GUCY1A2: variants seen among roughly 807,000 people sequenced by gnomAD.
GUCY1A2 encodes guanylate cyclase 1 soluble subunit alpha 2, also known as guanylate cyclase soluble subunit alpha-2.
Under a neutral mutation model 63.5 loss-of-function variants are expected in GUCY1A2, and 27 were observed. The ratio of observed to expected loss-of-function variants is 0.43; its 90% CI spans 0.31 to 0.59. The LOEUF (loss-of-function observed/expected upper bound fraction) is 0.59. GUCY1A2 is among the 20% of genes least tolerant of loss of function. The pLI is 0.11. For synonymous variants in GUCY1A2, 364 were observed against 343.5 expected, an observed-to-expected ratio of 1.06 and a Z score of -0.66; for missense variants, 768 against 913.3, an observed-to-expected ratio of 0.84 and a Z score of 2.05.
In GUCY1A2 at chr11:106,900,064, C is replaced by T. The variant is rs374666557; in HGVS notation, c.1206+39396G>A. ...TCAGGCCACTGCACTCCAGCCTAGG[C>T]GACAGAGCGAGACTCCGTCTCAAAA... On this transcript the variant is annotated intron_variant, in intron 4 of 7. Coordinates refer to ENST00000526355, the MANE Select transcript of GUCY1A2 (RefSeq NM_000855.3). Among the ~76,000 whole-genome samples, 13 of 136,762 alleles carry T rather than the reference C, an allele frequency of 9.5e-5. 1 individual carries two copies. Among genetic ancestry groups the T allele is most frequent in the Admixed American group, 2.4e-4 (3 of 12,362 alleles). 89.7% of individuals were successfully genotyped at this position (136,762 alleles called of 152,430 possible).
At chr11:106,857,987 G>A (rs1859460427) in intron 4 of GUCY1A2, among the ~76,000 whole-genome samples, 1 of 152,130 alleles carries the variant, frequency 6.6e-6, no homozygotes, top group Non-Finnish European at 1.5e-5. Flanking sequence ...AAAAATATAT[G>A]ATATAAAGAT....
intron 3 of GUCY1A2, among the ~76,000 whole-genome samples, chr11:106,940,812 T>C (rs1860742766): frequency 1.3e-5 from 2 of 152,210 alleles, no homozygotes; most frequent in Non-Finnish European, 2.9e-5. Context: ...TTGCAGTAGT[T>C]ATCATAAATA....
At chr11:106,932,107 A>G (rs558022703) in intron 4 of GUCY1A2, among the ~76,000 whole-genome samples, 1 of 152,282 alleles carries the variant, frequency 6.6e-6, no homozygotes, top group South Asian at 2.1e-4. Flanking sequence ...AAGATTCTGT[A>G]TGATTTTTAA....
intron 3 of GUCY1A2, among the ~76,000 whole-genome samples, chr11:106,945,163 A>G (rs564663228): frequency 8.6e-5 from 13 of 151,896 alleles, no homozygotes; most frequent in Non-Finnish European, 1.8e-4. Context: ...AAAAAAAAAA[A>G]AGAGAGAGAG....
At chr11:106,952,768 T>C (rs1012614904) in intron 3 of GUCY1A2, among the ~76,000 whole-genome samples, 1 of 151,810 alleles carries the variant, frequency 6.6e-6, no homozygotes, top group Non-Finnish European at 1.5e-5. Flanking sequence ...AGCCTCCCAA[T>C]ATCTGGGACT....
intron 5 of GUCY1A2, among the ~76,000 whole-genome samples, chr11:106,779,164 C>A (rs535688743): frequency 6.6e-5 from 10 of 152,066 alleles, no homozygotes; most frequent in African/African-American, 2.2e-4. Flanking sequence ...ATTCAAATAC[C>A]CCCAGATCTA....
chr11:106,947,347 T>C (rs561198296), intron 3 of GUCY1A2, among the ~76,000 whole-genome samples: 16 of 152,092 alleles, frequency 1.1e-4, no homozygotes, highest in African/African-American at 3.9e-4. Context: ...ATTAAAATTA[T>C]ATACAACAGA....
intron 6 of GUCY1A2, among the ~76,000 whole-genome samples, chr11:106,735,327 C>G (rs1863570752): frequency 6.6e-6 from 1 of 152,070 alleles, no homozygotes; most frequent in African/African-American, 2.4e-5. Context: ...AACCATCATT[C>G]TACTCTCTAT....
rs192717923 is a variant in GUCY1A2 at position 106,924,144 on chromosome 11, A to T, written c.1206+15316T>A. On this transcript the variant is annotated intron_variant, in intron 4 of 7. Transcript: ENST00000526355. The stretch of plus-strand genomic sequence containing the variant: ...TTGTCATAACATTTTTAAAAATTAC[A>T]AATTGTCAGTAGTATAATCTACTGG... Among the ~76,000 whole-genome samples, 230 of 152,326 alleles carry T rather than the reference A, an allele frequency of 1.5e-3. 1 individual carries two copies. Among genetic ancestry groups the T allele is most frequent in the African/African-American group, 5.3e-3 (219 of 41,580 alleles).
intron 1 of GUCY1A2, among the ~76,000 whole-genome samples, chr11:106,994,627 A>G (rs1034297681): frequency 6.6e-6 from 1 of 152,112 alleles, no homozygotes; most frequent in Non-Finnish European, 1.5e-5. Context: ...TCCACATTTC[A>G]CGAATGAAAA....
chr11:106,872,800 T>C (rs1859698327), intron 4 of GUCY1A2, among the ~76,000 whole-genome samples: 1 of 152,186 alleles, frequency 6.6e-6, no homozygotes, highest in Admixed American at 6.5e-5. Flanking sequence ...TTTTCTTTTT[T>C]AAAATTTTAC....
rs116457894 is a variant in GUCY1A2 at position 107,015,260 on chromosome 11, C to A, written c.303+2493G>T. ...TTTTCATAATAGAAAACAACTATGG[C>A]ATGGAAAGTATATAGAGCTGTTGCA... On this transcript the variant is annotated intron_variant, in intron 1 of 7. Coordinates refer to ENST00000526355, the MANE Select transcript of GUCY1A2 (RefSeq NM_000855.3). Among the ~76,000 whole-genome samples the A allele has an allele frequency of 4.5e-3, 686 of 152,214 alleles. 6 individuals carry two copies. The highest frequency in any genetic ancestry group is 0.015 in the African/African-American group (641 of 41,540).
chr11:106,937,984 C>T (rs1383020990), intron 4 of GUCY1A2, among the ~76,000 whole-genome samples: 1 of 152,098 alleles, frequency 6.6e-6, no homozygotes, highest in Non-Finnish European at 1.5e-5. Context: ...GTCACCCAGG[C>T]TGGAGTGCAG....
Position 106,720,039 on chromosome 11 carries a change from A to C in GUCY1A2, c.1837-11373T>G, listed in dbSNP as rs148272214. 3.8e-3 allele frequency among the ~76,000 whole-genome samples: 585 copies of C among 152,352 alleles called. 5 individuals are homozygous for C. The highest frequency in any genetic ancestry group is 0.014 in the African/African-American group (570 of 41,574). On this transcript the variant is annotated intron_variant, in intron 6 of 7. Transcript: ENST00000526355. The stretch of plus-strand genomic sequence containing the variant: ...TCCCAGGACACTGAAGTTATCAAAA[A>C]AATATTCCTTTATATCTCCTGATGG...
At chr11:106,703,225 C>T (rs1420726090) in intron 7 of GUCY1A2, among the ~76,000 whole-genome samples, 1 of 152,130 alleles carries the variant, frequency 6.6e-6, no homozygotes, top group East Asian at 1.9e-4. Context: ...TGGGACTTTA[C>T]CTTGTGATCC....
intron 5 of GUCY1A2, among the ~76,000 whole-genome samples, chr11:106,804,920 A>C (rs922159332): frequency 1.3e-5 from 2 of 151,816 alleles, no homozygotes; most frequent in Non-Finnish European, 2.9e-5. Flanking sequence ...GGGCCCACTC[A>C]TATTCCCTGT....
Position 106,687,749 on chromosome 11 carries a change from T to G in GUCY1A2, c.1999A>C (p.Lys667Gln). ...ATGAATGTGAAACTTTCTTCTCGTT[T>G]TAATAATCTAAGAAGAAAATACAGA... ...NVSPTTYQLL[K>Q]REESFTFIPR... The change falls in exon 8 of 8, where the codon AAA becomes CAA. Residue 667 changes from lysine (K) to glutamine (Q), a missense_variant. Coordinates refer to ENST00000526355, the MANE Select transcript of GUCY1A2 (RefSeq NM_000855.3). 6.2e-7 allele frequency: 1 copy of G among 1,605,400 alleles called. No individual in the cohort carries two copies. The highest frequency in any genetic ancestry group is 8.5e-7 in the Non-Finnish European group (1 of 1,172,088).
intron 4 of GUCY1A2, among the ~76,000 whole-genome samples, chr11:106,845,314 A>G (rs1490779263): frequency 6.6e-6 from 1 of 151,538 alleles, no homozygotes; most frequent in Non-Finnish European, 1.5e-5. Flanking sequence ...TTCCAATAAT[A>G]GAGTAGGAAA....
chr11:106,957,565 G>A (rs1376438774), intron 3 of GUCY1A2, among the ~76,000 whole-genome samples: 1 of 147,838 alleles, frequency 6.8e-6, no homozygotes, highest in East Asian at 2.1e-4. Context: ...CTCTCAGGTG[G>A]GCCTTCTCAC....
Sources: allele counts gnomAD v4.1 joint callset (sites outside exome capture counted in the v4.1 genomes callset), GRCh38; gene constraint gnomAD v4.1.1; transcripts MANE v1.5; gene names NCBI Gene and HGNC (gene_info 2026-07-23, HGNC 2026-07-21).